The following NINJ2 variants were observed in gnomAD, a reference collection of about 807,000 sequenced individuals.
The protein encoded by NINJ2 is ninjurin 2, also known as ninjurin-2.
A neutral mutation model predicts 11.7 loss-of-function variants in NINJ2; 12 were observed. The ratio of observed to expected loss-of-function variants is 1.02; its 90% confidence interval spans 0.66 to 1.66. The LOEUF (loss-of-function observed/expected upper bound fraction) is 1.66, where lower values mean the gene tolerates loss of function less well. Among genes scored for constraint, NINJ2 ranks in the 40% most tolerant of loss-of-function variants. The pLI, the probability that NINJ2 is intolerant of heterozygous loss-of-function variation, is 0.00. For synonymous variants in NINJ2, 93 were observed against 76.8 expected, an observed-to-expected ratio of 1.21 and a Z score of -1.10; for missense variants, 187 against 181.8, an observed-to-expected ratio of 1.03 and a Z score of -0.16.
intron 1 of NINJ2, among the ~76,000 whole-genome samples, chr12:615,598 A>AG (rs1422905581): frequency 1.3e-5 from 2 of 152,132 alleles, no homozygotes; most frequent in Non-Finnish European, 2.9e-5. Context: ...TTAAAAAAAA[A>AG]GAAACTCTGC....
intron 1 of NINJ2, among the ~76,000 whole-genome samples, chr12:574,557 G>A (rs1947426515): frequency 1.3e-5 from 2 of 151,052 alleles, no homozygotes; most frequent in African/African-American, 2.4e-5. Flanking sequence ...AAAAAAAGGT[G>A]AGCTTGGCTC....
chr12:625,702 A>C (rs1948204303), intron 1 of NINJ2, among the ~76,000 whole-genome samples: 1 of 152,222 alleles, frequency 6.6e-6, no homozygotes, highest in Non-Finnish European at 1.5e-5. Context: ...AGAGTCTACT[A>C]TAAAGTACCT....
Position 640,269 on chromosome 12 carries a change from T to C in NINJ2, c.33+23059A>G, listed in dbSNP as rs1479151385. Among the ~76,000 whole-genome samples the C allele has an allele frequency of 5.3e-5, 8 of 152,204 alleles. No homozygotes were observed. The highest frequency in any genetic ancestry group is 5.2e-4 in the Admixed American group (8 of 15,278). On this transcript the variant is annotated intron_variant, in intron 1 of 3. Transcript: ENST00000305108. The surrounding 1 kb of genome is among the most constrained non-coding windows in gnomAD (Gnocchi z 4.0). Reference sequence around the variant, plus strand: ...ATCTTGGCATCTTAGAATCAGAAGTTTCCAAACTTGGAGGCAGTTTAAGAA... The same window carrying C: ...ATCTTGGCATCTTAGAATCAGAAGTCTCCAAACTTGGAGGCAGTTTAAGAA...
At chr12:654,964 A>C (rs2120536924) in intron 1 of NINJ2, among the ~76,000 whole-genome samples, 1 of 152,314 alleles carries the variant, frequency 6.6e-6, no homozygotes. Context: ...CAACTGACTA[A>C]AAAAGAAAAA....
intron 1 of NINJ2, among the ~76,000 whole-genome samples, chr12:578,468 A>G (rs1201172789): frequency 1.3e-5 from 2 of 152,034 alleles, no homozygotes; most frequent in Non-Finnish European, 2.9e-5. Context: ...ACAAGTGCAC[A>G]CCACTACACT....
chr12:632,116 G>A (rs1440802150), intron 1 of NINJ2: 1 of 152,168 alleles, frequency 6.6e-6, no homozygotes, highest in Non-Finnish European at 1.5e-5. Flanking sequence ...TTAATCAGAC[G>A]TTGAAGGGAC....
In NINJ2 at chr12:623,410, C is replaced by T. The variant is rs139197375; in HGVS notation, c.33+39918G>A. On this transcript the variant is annotated intron_variant, in intron 1 of 3. Coordinates refer to ENST00000305108, the MANE Select transcript of NINJ2 (RefSeq NM_016533.6). ...ACACCTTTCCCCAGGGTTCCTGCCC[C>T]GGCAGCCTGCCCTGTCTGTTAGTGC... Among the ~76,000 whole-genome samples the T allele has an allele frequency of 1.6e-4, 24 of 152,294 alleles. No homozygotes were observed. The East Asian group carries it at 3.5e-3, about 22-fold the overall frequency.
intron 1 of NINJ2, among the ~76,000 whole-genome samples, chr12:578,889 A>C (rs1194244227): frequency 6.6e-6 from 1 of 152,186 alleles, no homozygotes. Flanking sequence ...ATGAGTCTGT[A>C]AGGGTCTAGT....
Position 591,479 on chromosome 12 carries a change from G to A in NINJ2, c.34-25301C>T, listed in dbSNP as rs1261403439. On this transcript the variant is annotated intron_variant, in intron 1 of 3. Transcript: ENST00000305108. This position sits in a 1 kb window ranked among gnomAD's most constrained non-coding sequence, Gnocchi z 5.0. ...CTAGTCATGACTACTAAGACCTGCT[G>A]CCCAGGACTGAGTGCTGATTCACCT... Among the ~76,000 whole-genome samples the A allele has an allele frequency of 2.6e-5, 4 of 152,202 alleles. No individual in the cohort carries two copies. The highest frequency in any genetic ancestry group is 9.7e-5 in the African/African-American group (4 of 41,440).
intron 1 of NINJ2, among the ~76,000 whole-genome samples, chr12:646,768 G>A (rs1937690226): frequency 6.6e-6 from 1 of 152,104 alleles, no homozygotes; most frequent in African/African-American, 2.4e-5. Context: ...TTGGTCTCTG[G>A]ACTCCACACC....
intron 1 of NINJ2, among the ~76,000 whole-genome samples, chr12:602,232 T>C (rs1203791021): frequency 1.3e-5 from 2 of 152,208 alleles, no homozygotes; most frequent in African/African-American, 4.8e-5. Context: ...TACAGAGTTG[T>C]GCAAACATCA....
chr12:587,744 C>T (rs2607932), intron 1 of NINJ2, among the ~76,000 whole-genome samples: 72,204 of 151,808 alleles, frequency 0.48, 17,821 homozygotes, highest in Non-Finnish European at 0.55. Context: ...TCACCAGGAT[C>T]TGTAGAGCAG....
At chr12:659,154 CCTT>C (rs1333146995) in intron 1 of NINJ2, among the ~76,000 whole-genome samples, 1 of 151,470 alleles carries the variant, frequency 6.6e-6, no homozygotes. Flanking sequence ...TGCCTATAGA[CCTT>C]CTTCTATTCA....
chr12:650,667 C>A (rs1323696409), intron 1 of NINJ2, among the ~76,000 whole-genome samples: 4 of 152,110 alleles, frequency 2.6e-5, no homozygotes, highest in Non-Finnish European at 5.9e-5. Flanking sequence ...CCACTGCACT[C>A]CAGCCTGGGC....
intron 1 of NINJ2, among the ~76,000 whole-genome samples, chr12:639,901 C>T (rs956105378): frequency 3.9e-5 from 6 of 152,176 alleles, no homozygotes; most frequent in African/African-American, 1.4e-4. Context: ...GTATAAGGTT[C>T]CTAGGATTCT....
chr12:579,637 C>T (rs1947519307), intron 1 of NINJ2, among the ~76,000 whole-genome samples: 1 of 152,126 alleles, frequency 6.6e-6, no homozygotes, highest in Non-Finnish European at 1.5e-5. Flanking sequence ...TGATCCGCCC[C>T]CACTCCCTCT....
intron 1 of NINJ2, among the ~76,000 whole-genome samples, chr12:650,079 G>C: frequency 1.7e-5 from 1 of 60,046 alleles, no homozygotes. Flanking sequence ...GAGATTAGTA[G>C]ATTTTTTTTT....
chr12:588,759 C>T (rs1263574698), intron 1 of NINJ2, among the ~76,000 whole-genome samples: 2 of 152,142 alleles, frequency 1.3e-5, no homozygotes, highest in African/African-American at 4.8e-5. Flanking sequence ...AATGAGCCAA[C>T]AGAAAAACTG....
In NINJ2 at chr12:633,021, T is replaced by C. The variant is rs1388250785; in HGVS notation, c.33+30307A>G. 2.0e-5 allele frequency among the ~76,000 whole-genome samples: 3 copies of C among 152,152 alleles called. No homozygotes were observed. The highest frequency in any genetic ancestry group is 4.4e-5 in the Non-Finnish European group (3 of 68,018). ...GATCTTAGATCCAGTGTATTTTCTG[T>C]CAGTAGATTTCAATCAGAAAGGTCG... On this transcript the variant is annotated intron_variant, in intron 1 of 3. Coordinates refer to ENST00000305108, the MANE Select transcript of NINJ2 (RefSeq NM_016533.6). The surrounding 1 kb of genome is among the most constrained non-coding windows in gnomAD (Gnocchi z 4.3).
Sources: gnomAD v4.1 joint callset for allele counts (sites outside exome capture counted in the v4.1 genomes callset) on GRCh38, gnomAD v4.1.1 for gene constraint, Gnocchi (gnomAD v3.1) non-coding constraint, MANE v1.5 for transcripts, NCBI Gene and HGNC (gene_info 2026-07-23, HGNC 2026-07-21) for gene names.